Variants in ANKRD36C observed in about 807,000 individuals in gnomAD.
The protein encoded by ANKRD36C is ankyrin repeat domain 36C, also known as ankyrin repeat domain-containing protein 36C.
ANKRD36C carries 61 observed loss-of-function variants against 276.4 expected under a neutral mutation model. That is an observed-to-expected ratio of 0.22 (90% CI 0.18 to 0.27). ANKRD36C has a LOEUF of 0.27. Among genes scored for constraint, ANKRD36C ranks in the 10% least tolerant of loss-of-function variants. The pLI is 1.00. For synonymous variants in ANKRD36C, 483 were observed against 680.1 expected, an observed-to-expected ratio of 0.71 and a Z score of 4.51; for missense variants, 1,447 against 2,032.3, an observed-to-expected ratio of 0.71 and a Z score of 5.54.
At chr2:95,916,705 T>C (rs1306754558) in intron 36 of ANKRD36C, among the ~76,000 whole-genome samples, 1 of 151,672 alleles carries the variant, frequency 6.6e-6, no homozygotes, top group African/African-American at 2.4e-5. Flanking sequence ...TCACCTTGGA[T>C]ATCTGTTTGC....
At chr2:95,943,475 C>T (rs1188838192) in intron 19 of ANKRD36C, among the ~76,000 whole-genome samples, 2 of 141,912 alleles carry the variant, frequency 1.4e-5, no homozygotes, top group African/African-American at 2.5e-5. Flanking sequence ...CAGAGCGAGA[C>T]TCCGTCTCAA....
intron 42 of ANKRD36C, among the ~76,000 whole-genome samples, chr2:95,903,489 C>G (rs1182432429): frequency 6.6e-5 from 10 of 151,494 alleles, no homozygotes; most frequent in South Asian, 2.1e-4. Flanking sequence ...CACCATTATA[C>G]TACAAACATT....
chr2:95,991,659 C>G, exon 1 of ANKRD36C: 1 of 1,613,994 alleles, frequency 6.2e-7, no homozygotes, highest in East Asian at 2.2e-5. Context: ...GCCATCCGAG[C>G]ACAAGCGGTC....
rs1265877746 is a variant in ANKRD36C, at chr2:95,919,336, A to G, written c.2246-1294T>C. On this transcript the variant is annotated intron_variant, in intron 34 of 66. Coordinates refer to ENST00000456556, the Ensembl canonical transcript of ANKRD36C. ...CTTCTACAGTGTCTATAGGTTATTA[A>G]TATCAGTTTTCTGTCTTTTCTTAGC... Among the ~76,000 whole-genome samples the G allele has an allele frequency of 3.8e-5, 5 of 133,138 alleles. 1 individual carries two copies. Among genetic ancestry groups the G allele is most frequent in the African/African-American group, 1.3e-4 (5 of 39,384 alleles). The allele number at this position is 133,138 out of a possible 152,430, so 87.3% of individuals were successfully genotyped here.
chr2:95,931,514 C>A (rs1250255470), intron 24 of ANKRD36C, among the ~76,000 whole-genome samples: 1 of 150,284 alleles, frequency 6.7e-6, no homozygotes. Flanking sequence ...CCCATAACAC[C>A]ACTATGTCTA....
At chr2:95,965,484 G>A (rs1224221532) in intron 6 of ANKRD36C, among the ~76,000 whole-genome samples, 2 of 151,962 alleles carry the variant, frequency 1.3e-5, no homozygotes, top group African/African-American at 4.8e-5. Context: ...ATTTTCTCAG[G>A]GTCATGACAT....
intron 38 of ANKRD36C, 98 bp from the exon 41 acceptor site, chr2:95,914,401 T>C: frequency 2.8e-6 from 4 of 1,427,606 alleles, no homozygotes; most frequent in Middle Eastern, 2.4e-4. Context: ...TCTTCCTGCC[T>C]GTATTAGCGT....
At chr2:95,908,095 C>T (rs561120131) in intron 42 of ANKRD36C, among the ~76,000 whole-genome samples, 1 of 150,786 alleles carries the variant, frequency 6.6e-6, no homozygotes, top group East Asian at 2.0e-4. Context: ...CTTAGTTCTC[C>T]TAACAGTGTC....
intron 24 of ANKRD36C, among the ~76,000 whole-genome samples, chr2:95,933,210 G>C (rs988520680): frequency 2.6e-5 from 4 of 152,262 alleles, no homozygotes; most frequent in African/African-American, 7.2e-5. Flanking sequence ...TTTGAAGTCA[G>C]GTAGCGTGAT....
At chr2:95,853,777 G>A (rs748290113) in exon 64 of ANKRD36C, 38 of 1,604,318 alleles carry the variant, frequency 2.4e-5, no homozygotes, top group Non-Finnish European at 3.0e-5. Context: ...ATGCAGTGAC[G>A]CGATGAAGCA....
chr2:95,852,056 A>G (rs1294890796), intron 65 of ANKRD36C, 70 bp downstream of exon 85: 2 of 1,480,270 alleles, frequency 1.4e-6, no homozygotes. Flanking sequence ...AACTGATACA[A>G]TTTTCATACT....
intron 42 of ANKRD36C, 116 bp from the exon 45 acceptor site, chr2:95,910,684 G>A (rs1573757686): frequency 1.9e-6 from 3 of 1,549,486 alleles, no homozygotes; most frequent in African/African-American, 1.4e-5. Context: ...CGCAGGCTTT[G>A]ATGGCTTCTA....
At position 95,897,313 on chromosome 2, in the gene ANKRD36C, CA is replaced by C; in HGVS notation, c.2755+1831del. On this transcript the variant is annotated intron_variant, in intron 44 of 66. Transcript: ENST00000456556. ...CATGCTTTTTTCCTCTGGCTATATT[CA>C]AAAGAGAATCTTTCTCATCTCTTGT... 1.3e-6 allele frequency: 2 copies of C among 1,542,258 alleles called. 1 individual carries two copies. Among genetic ancestry groups the C allele is most frequent in the South Asian group, 2.4e-5 (2 of 84,622 alleles).
Position 95,953,209 on chromosome 2 carries a change from C to A in ANKRD36C, c.1203+730G>T, listed in dbSNP as rs2918875. On this transcript the variant is annotated intron_variant, in intron 14 of 66. Coordinates refer to ENST00000456556, the Ensembl canonical transcript of ANKRD36C. The stretch of plus-strand genomic sequence containing the variant: ...AAACTCTCTCTAATACAGATTTGAG[C>A]ACAGAATTTGAATTTCTAATATTCC... 6.0e-5 allele frequency among the ~76,000 whole-genome samples: 9 copies of A among 150,988 alleles called. No homozygotes were observed. The South Asian group carries it at 1.9e-3, about 32-fold the overall frequency.
intron 1 of ANKRD36C, among the ~76,000 whole-genome samples, chr2:95,987,663 G>A (rs976456866): frequency 1.3e-4 from 17 of 131,648 alleles, no homozygotes; most frequent in Middle Eastern, 4.2e-3. Context: ...CGCCCAGGCC[G>A]GACTGCGGAC....
At chr2:95,915,988 G>C in exon 38 of ANKRD36C, 1 of 1,550,544 alleles carries the variant, frequency 6.4e-7, no homozygotes, top group South Asian at 1.2e-5. Context: ...ACCTGTCCTA[G>C]ATATTTCTCC....
rs150447116 is a variant in ANKRD36C, at chr2:95,875,295, G to A, written c.3540+1144C>T. 8.9e-3 allele frequency among the ~76,000 whole-genome samples: 1,349 copies of A among 152,070 alleles called. 77 individuals are homozygous for A. In the East Asian group the frequency reaches 0.17, roughly 20 times the overall value. ...GGAACCAACCCAAATGTCCAACAAT[G>A]ATAACCTGGATTAAGAAAATGTGAC... On this transcript the variant is annotated intron_variant, in intron 59 of 66. Coordinates refer to ENST00000456556, the Ensembl canonical transcript of ANKRD36C.
At chr2:95,896,510 G>A (rs562136502) in intron 44 of ANKRD36C, among the ~76,000 whole-genome samples, 1 of 149,900 alleles carries the variant, frequency 6.7e-6, no homozygotes, top group South Asian at 2.1e-4. Context: ...CCAAGAGGTA[G>A]CTCCTTGAAC....
intron 44 of ANKRD36C, among the ~76,000 whole-genome samples, chr2:95,895,888 G>A (rs531803875): frequency 6.6e-6 from 1 of 150,962 alleles, no homozygotes; most frequent in Non-Finnish European, 1.5e-5. Context: ...GGACAAATGT[G>A]ATCTGAAAAC....
Sources: allele counts gnomAD v4.1 joint callset (sites outside exome capture counted in the v4.1 genomes callset), GRCh38; gene constraint gnomAD v4.1.1; transcripts MANE v1.5; gene names NCBI Gene and HGNC (gene_info 2026-07-23, HGNC 2026-07-21).